CAMK1D: variants seen among roughly 807,000 people sequenced by gnomAD.
The protein encoded by CAMK1D is calcium/calmodulin dependent protein kinase ID.
In CAMK1D, 9 loss-of-function variants were observed where a neutral mutation model predicts 47.7. That is an observed-to-expected ratio of 0.19 (90% CI 0.11 to 0.33). The LOEUF is 0.33. CAMK1D is among the 10% of genes least tolerant of loss of function. The probability of loss-of-function intolerance (pLI) is 1.00; values close to 1 mark genes in which losing one functional copy is unlikely to be tolerated. For missense variants in CAMK1D, 291 were observed against 488.7 expected (o/e 0.60, Z 3.81); for synonymous variants, 184 against 184.9 (o/e 0.99, Z 0.04).
intron 3 of CAMK1D, among the ~76,000 whole-genome samples, chr10:12,734,390 AG>A (rs1835058751): frequency 2.1e-5 from 1 of 46,662 alleles, no homozygotes; most frequent in Admixed American, 2.4e-4. Context: ...ATATAGATAT[AG>A]ATATATATAT....
chr10:12,576,143 G>T (rs1428241511), intron 2 of CAMK1D, among the ~76,000 whole-genome samples: 1 of 152,120 alleles, frequency 6.6e-6, no homozygotes, highest in African/African-American at 2.4e-5. Flanking sequence ...GTTTATTTAT[G>T]TTGTTTCTTT....
At chr10:12,671,083 T>A (rs192236438) in intron 3 of CAMK1D, among the ~76,000 whole-genome samples, 1 of 152,328 alleles carries the variant, frequency 6.6e-6, no homozygotes, top group South Asian at 2.1e-4. Context: ...ATTCTCTCTC[T>A]CAGCTTATTG....
At chr10:12,647,106 G>A (rs1324381674) in intron 2 of CAMK1D, among the ~76,000 whole-genome samples, 2 of 145,828 alleles carry the variant, frequency 1.4e-5, no homozygotes, top group African/African-American at 5.1e-5. Flanking sequence ...CTCCCAAAGT[G>A]CTGGGATTAT....
intron 2 of CAMK1D, among the ~76,000 whole-genome samples, chr10:12,575,183 C>T (rs1010271704): frequency 4.6e-5 from 7 of 152,152 alleles, no homozygotes; most frequent in African/African-American, 1.7e-4. Flanking sequence ...ACCTCTGCTG[C>T]CCAGGTTCAA....
chr10:12,534,031 G>A (rs1035037323), intron 1 of CAMK1D, among the ~76,000 whole-genome samples: 2 of 152,294 alleles, frequency 1.3e-5, no homozygotes, highest in South Asian at 4.1e-4. Flanking sequence ...AGCTTCACGG[G>A]ATAAGTTGCC....
chr10:12,812,079 C>T (rs924632769), intron 6 of CAMK1D, among the ~76,000 whole-genome samples: 2 of 152,366 alleles, frequency 1.3e-5, no homozygotes, highest in East Asian at 1.9e-4. Flanking sequence ...TCATCAGGCA[C>T]GCCCCTGCGC....
intron 1 of CAMK1D, among the ~76,000 whole-genome samples, chr10:12,453,682 C>T (rs1165834733): frequency 6.6e-6 from 1 of 152,182 alleles, no homozygotes; most frequent in Non-Finnish European, 1.5e-5. Flanking sequence ...ATAATACAGG[C>T]ATTGCATTTT....
At chr10:12,772,240 C>T (rs1229371818) in intron 5 of CAMK1D, among the ~76,000 whole-genome samples, 2 of 152,154 alleles carry the variant, frequency 1.3e-5, no homozygotes, top group African/African-American at 4.8e-5. Context: ...TCAGGGAAGC[C>T]GTGAATACAT....
At chr10:12,579,752 T>C (rs1837605984) in intron 2 of CAMK1D, among the ~76,000 whole-genome samples, 1 of 152,240 alleles carries the variant, frequency 6.6e-6, no homozygotes, top group Non-Finnish European at 1.5e-5. Context: ...CTCTGTGCTC[T>C]TAGATGCCTT....
At chr10:12,805,255 C>CA (rs551328949) in intron 6 of CAMK1D, among the ~76,000 whole-genome samples, 111 of 148,064 alleles carry the variant, frequency 7.5e-4, no homozygotes, top group African/African-American at 2.6e-3. Context: ...GAGACTGTCT[C>CA]AAAAAAAAGA....
At chr10:12,805,367 CTTTTTTT>C (rs35851814) in intron 6 of CAMK1D, among the ~76,000 whole-genome samples, 2 of 128,706 alleles carry the variant, frequency 1.6e-5, no homozygotes, top group East Asian at 2.3e-4. Context: ...CTTTACATTT[CTTTTTTT>C]TTTTTTTTTT....
At chr10:12,535,236 C>T (rs913322170) in intron 1 of CAMK1D, among the ~76,000 whole-genome samples, 2 of 152,116 alleles carry the variant, frequency 1.3e-5, no homozygotes, top group Non-Finnish European at 2.9e-5. Flanking sequence ...CAGGCCAGGC[C>T]CTGTCTCTCC....
chr10:12,541,623 G>A (rs1836180176), intron 1 of CAMK1D, among the ~76,000 whole-genome samples: 1 of 152,132 alleles, frequency 6.6e-6, no homozygotes, highest in Non-Finnish European at 1.5e-5. Flanking sequence ...CCCCCCAAAA[G>A]TGCTGGGATT....
At chr10:12,361,199 T>C (rs1217328497) in intron 1 of CAMK1D, among the ~76,000 whole-genome samples, 1 of 151,980 alleles carries the variant, frequency 6.6e-6, no homozygotes, top group Non-Finnish European at 1.5e-5. Context: ...TCTTTGGTGC[T>C]TTCAGCTTCT....
intron 4 of CAMK1D, among the ~76,000 whole-genome samples, chr10:12,763,984 T>C (rs10906219): frequency 0.35 from 52,590 of 152,028 alleles, 10,189 homozygotes; most frequent in Non-Finnish European, 0.44. Context: ...GGATCGGGGA[T>C]GGGGCCTCCC....
intron 10 of CAMK1D, among the ~76,000 whole-genome samples, chr10:12,827,297 TTC>T (rs1401211055): frequency 4.6e-5 from 5 of 108,726 alleles, no homozygotes; most frequent in East Asian, 6.0e-4. Flanking sequence ...CTTTCTTTCT[TTC>T]TCTCTCTTTT....
intron 1 of CAMK1D, among the ~76,000 whole-genome samples, chr10:12,508,438 C>G (rs1834943435): frequency 6.6e-6 from 1 of 152,156 alleles, no homozygotes. Context: ...TACTCAGGTA[C>G]CCAGAATAGA....
chr10:12,393,700 G>A (rs1289204782), intron 1 of CAMK1D, among the ~76,000 whole-genome samples: 3 of 152,208 alleles, frequency 2.0e-5, no homozygotes, highest in African/African-American at 7.2e-5. Context: ...CATGATGGAC[G>A]CGTGAGCATG....
At chr10:12,639,173 A>C (rs1161685604) in intron 2 of CAMK1D, among the ~76,000 whole-genome samples, 1 of 152,216 alleles carries the variant, frequency 6.6e-6, no homozygotes, top group Admixed American at 6.5e-5. Flanking sequence ...TGCTTTAGCA[A>C]TATAGAGAAG....
Sources: gnomAD v4.1 joint callset for allele counts (sites outside exome capture counted in the v4.1 genomes callset) on GRCh38, gnomAD v4.1.1 for gene constraint, MANE v1.5 for transcripts, NCBI Gene and HGNC (gene_info 2026-07-23, HGNC 2026-07-21) for gene names.